Variants in BPHL observed in about 807,000 individuals in gnomAD.
BPHL encodes serine hydrolase BPHL.
Under a neutral mutation model 31.2 loss-of-function variants are expected in BPHL, and 27 were observed. The observed-to-expected ratio is 0.87, with a 90% confidence interval of 0.64 to 1.19. BPHL has a LOEUF of 1.19. Among genes scored for constraint, BPHL ranks in the 50% most tolerant of loss-of-function variants. BPHL has a pLI of 0.00. For missense variants in BPHL, 356 were observed against 375.7 expected, an observed-to-expected ratio of 0.95 and a Z score of 0.43; for synonymous variants, 150 against 146.8, an observed-to-expected ratio of 1.02 and a Z score of -0.16.
chr6:3,140,249 C>A lies in BPHL; in HGVS notation c.665-137C>A. ...TTAGAGCTGGAAGGAATCCCAGGCA[C>A]GGTCAAATCCAAAACACAGTTTTTA... On this transcript the variant is annotated intron_variant, in intron 5 of 6. Coordinates refer to ENST00000380379, the MANE Select transcript of BPHL (RefSeq NM_004332.4). The surrounding 1 kb of genome is among the most constrained non-coding windows in gnomAD (Gnocchi z 5.2). 1 of 1,093,336 alleles carries A rather than the reference C, an allele frequency of 9.1e-7. No homozygotes were observed. The highest frequency in any genetic ancestry group is 1.3e-6 in the Non-Finnish European group (1 of 775,644). The allele number at this position is 1,093,336 out of a possible 1,614,324, so 67.7% of individuals were successfully genotyped here. A position where few individuals can be genotyped will look rare whatever the true frequency, so the allele number is the denominator to read the frequency against.
At chr6:3,131,792 CT>C (rs1486072124) in intron 4 of BPHL, among the ~76,000 whole-genome samples, 1 of 152,190 alleles carries the variant, frequency 6.6e-6, no homozygotes. Context: ...GCTGTGCCAG[CT>C]TGCACCAGCC....
intron 3 of BPHL, 97 bp from the exon 4 acceptor site, chr6:3,128,948 G>A (rs1761789503): frequency 1.3e-6 from 2 of 1,553,336 alleles, no homozygotes; most frequent in Admixed American, 3.3e-5. Flanking sequence ...TGATACTCCA[G>A]CCTCACACCT....
Position 3,129,042 on chromosome 6 carries a change from T to C in BPHL, c.379-3T>C. On this transcript the variant is annotated splice_region_variant and splice_polypyrimidine_tract_variant and intron_variant, in intron 3 of 6. Coordinates refer to ENST00000380379, the MANE Select transcript of BPHL (RefSeq NM_004332.4). ...TGCCGTGCATTTTGTCGTATGATCA[T>C]AGGCGCTGAAGTTTAAGAAGGTTTC... 6.2e-7 allele frequency: 1 copy of C among 1,614,270 alleles called. No homozygotes were observed. The highest frequency in any genetic ancestry group is 8.5e-7 in the Non-Finnish European group (1 of 1,180,036).
At chr6:3,147,963 C>T (rs1038242490) in intron 6 of BPHL, among the ~76,000 whole-genome samples, 1 of 152,230 alleles carries the variant, frequency 6.6e-6, no homozygotes, top group African/African-American at 2.4e-5. Flanking sequence ...TCTACTCAGG[C>T]TTTTAGCAGA....
At chr6:3,122,718 T>C (rs564991581) in intron 1 of BPHL, among the ~76,000 whole-genome samples, 166 of 152,320 alleles carry the variant, frequency 1.1e-3, no homozygotes, top group African/African-American at 3.9e-3. Context: ...TGGAGGCTTA[T>C]GGACAGGGCT....
In BPHL at chr6:3,123,672, T is replaced by C; in HGVS notation, c.123T>C (p.Ser41=). 6.2e-7 allele frequency: 1 copy of C among 1,613,812 alleles called. No individual in the cohort carries two copies. Residue 41 remains serine (S), a synonymous_variant, in exon 2 of 7, where the codon TCT becomes TCC. Transcript: ENST00000380379. ...TCTCTTCTAGCACCTCGGTAACCTC[T>C]GCCAAAGTGGCTGTGAATGGCGTTC... ...PAAAFGTSVT[S]AKVAVNGVQL... is the part of the protein sequence containing the mutation.
intron 6 of BPHL, among the ~76,000 whole-genome samples, chr6:3,141,462 G>A (rs900502224): frequency 2.0e-5 from 3 of 152,182 alleles, no homozygotes; most frequent in Non-Finnish European, 4.4e-5. Context: ...CCGCCTCCCA[G>A]GTTCAAGCGA....
intron 6 of BPHL, among the ~76,000 whole-genome samples, chr6:3,141,372 T>A (rs1762170103): frequency 6.6e-6 from 1 of 151,698 alleles, no homozygotes; most frequent in African/African-American, 2.4e-5. Context: ...AATGAGGGAG[T>A]TGGTTTTTTT....
chr6:3,128,475 A>G (rs1761777054), intron 3 of BPHL, among the ~76,000 whole-genome samples: 1 of 152,128 alleles, frequency 6.6e-6, no homozygotes, highest in South Asian at 2.1e-4. Context: ...CGGCCTCTCT[A>G]AGATGTAATC....
At chr6:3,151,417 A>G (rs1195325625) in intron 6 of BPHL, among the ~76,000 whole-genome samples, 1 of 152,028 alleles carries the variant, frequency 6.6e-6, no homozygotes, top group East Asian at 1.9e-4. Flanking sequence ...GGTCCCAACA[A>G]TATGTCTTCC....
rs770788524 is a variant in BPHL at position 3,129,176 on chromosome 6, C to T, written c.510C>T (p.Asp170=). The change falls in exon 4 of 7, where the codon GAC becomes GAT. Residue 170 remains aspartate, a synonymous_variant. Transcript: ENST00000380379. The part of the protein sequence containing the change: ...VIWGANAYVT[D]EDSMIYEGIR... ...GGGGCGCCAACGCCTACGTCACTGA[C>T]GAAGACAGCATGATATATGAGGGTA... The T allele has an allele frequency of 2.1e-5, 33 of 1,600,278 alleles. No homozygotes were observed. In the African/African-American group the frequency reaches 2.1e-4, roughly 10 times the overall value.
At chr6:3,129,808 T>G (rs983030840) in intron 4 of BPHL, among the ~76,000 whole-genome samples, 18 of 145,420 alleles carry the variant, frequency 1.2e-4, no homozygotes, top group African/African-American at 5.0e-4. Flanking sequence ...CTTTGAGGTT[T>G]TTTTTTTTTT....
At chr6:3,119,057 C>T (rs1056160752) in intron 1 of BPHL, among the ~76,000 whole-genome samples, 1 of 152,220 alleles carries the variant, frequency 6.6e-6, no homozygotes, top group African/African-American at 2.4e-5. Context: ...GCATGCGCCT[C>T]GGTCAGCCTC....
intron 4 of BPHL, 79 bp from the exon 5 acceptor site, chr6:3,137,283 T>A (rs563886723): frequency 6.6e-7 from 1 of 1,525,700 alleles, no homozygotes; most frequent in South Asian, 1.2e-5. Flanking sequence ...GGCTCAGAAG[T>A]GGCTCTTGCT....
Position 3,152,565 on chromosome 6 carries a change from TC to T in BPHL, c.868del (p.Leu290TyrfsTer53). The T allele has an allele frequency of 1.2e-6, 2 of 1,613,342 alleles. No individual in the cohort carries two copies. Among genetic ancestry groups the T allele is most frequent in the Non-Finnish European group, 1.7e-6 (2 of 1,179,648 alleles). ...ADEFNKLAED[F>X]LQ is the part of the protein sequence containing the mutation. ...GAATTCAACAAGTTAGCAGAAGACT[TC>T]CTACAATGAGAATGCACACTCCAGT... On this transcript the variant is annotated frameshift_variant, in exon 7 of 7. Transcript: ENST00000380379. LOFTEE classifies it high-confidence loss of function.
intron 6 of BPHL, among the ~76,000 whole-genome samples, chr6:3,151,574 T>C (rs1284868885): frequency 6.6e-6 from 1 of 152,170 alleles, no homozygotes. Context: ...CCCCCCAGTA[T>C]TGAAACTCAA....
intron 4 of BPHL, 119 bp downstream of exon 4, chr6:3,129,317 T>C (rs1761805150): frequency 1.6e-6 from 2 of 1,284,098 alleles, no homozygotes; most frequent in African/African-American, 3.0e-5. Context: ...TTCTCAACTC[T>C]CAGGTAGGAA....
At chr6:3,144,813 G>A (rs1762281278) in intron 6 of BPHL, among the ~76,000 whole-genome samples, 1 of 152,234 alleles carries the variant, frequency 6.6e-6, no homozygotes, top group African/African-American at 2.4e-5. Context: ...TGTTGAAAGA[G>A]AGAGAGGGAG....
rs1761524116 is a variant in BPHL, at chr6:3,120,129, G to A, written c.107+1282G>A. 1.3e-5 allele frequency among the ~76,000 whole-genome samples: 2 copies of A among 152,060 alleles called. 1 individual carries two copies. The highest frequency in any genetic ancestry group is 1.3e-4 in the Admixed American group (2 of 15,260). On this transcript the variant is annotated intron_variant, in intron 1 of 6. Coordinates refer to ENST00000380379, the MANE Select transcript of BPHL (RefSeq NM_004332.4). ...GCTCACTGCAACCTCTGCCTCCCAG[G>A]TTTAAGCGATTCTCGTGGCCTCAGC...
Sources: allele counts gnomAD v4.1 joint callset (sites outside exome capture counted in the v4.1 genomes callset), GRCh38; gene constraint gnomAD v4.1.1; non-coding constraint Gnocchi (gnomAD v3.1); transcripts MANE v1.5; gene names NCBI Gene and HGNC (gene_info 2026-07-23, HGNC 2026-07-21).